Variants in SGCD observed in about 807,000 individuals in gnomAD.
The protein encoded by SGCD is delta-sarcoglycan.
Under a neutral mutation model 36.6 loss-of-function variants are expected in SGCD, and 18 were observed. The observed-to-expected ratio is 0.49, with a 90% CI of 0.34 to 0.73. The LOEUF is 0.73. Among genes scored for constraint, SGCD ranks in the 30% least tolerant of loss-of-function variants. The probability of loss-of-function intolerance (pLI) is 0.01; values close to 1 mark genes in which losing one functional copy is unlikely to be tolerated. For missense variants in SGCD, 387 were observed against 346.7 expected, an observed-to-expected ratio of 1.12 and a Z score of -0.92; for synonymous variants, 133 against 130.6, an observed-to-expected ratio of 1.02 and a Z score of -0.12.
chr5:156,464,818 G>C (rs966137556), intron 3 of SGCD, among the ~76,000 whole-genome samples: 1 of 152,126 alleles, frequency 6.6e-6, no homozygotes, highest in Non-Finnish European at 1.5e-5. Context: ...ATTTAGGAGT[G>C]GGTGGAGTGT....
At chr5:156,510,147 A>G (rs571099600) in intron 4 of SGCD, among the ~76,000 whole-genome samples, 1 of 152,364 alleles carries the variant, frequency 6.6e-6, no homozygotes, top group South Asian at 2.1e-4. Flanking sequence ...GGGAACAAGG[A>G]TGTTAAAACT....
chr5:156,023,999 G>A (rs78372343), intron 1 of SGCD, among the ~76,000 whole-genome samples: 287 of 152,272 alleles, frequency 1.9e-3, no homozygotes, highest in African/African-American at 6.4e-3. Context: ...TCACCAGATG[G>A]CTGCAGTTCT....
chr5:156,247,061 A>T (rs1262438840), intron 3 of SGCD, among the ~76,000 whole-genome samples: 2 of 152,240 alleles, frequency 1.3e-5, no homozygotes, highest in African/African-American at 4.8e-5. Flanking sequence ...GCAATTTTGA[A>T]AATAGGAAGT....
At chr5:156,111,778 T>C (rs1761792144) in intron 1 of SGCD, among the ~76,000 whole-genome samples, 1 of 143,018 alleles carries the variant, frequency 7.0e-6, no homozygotes, top group African/African-American at 2.8e-5. Context: ...GATAGAGGTG[T>C]ATTTTTTTTT....
intron 3 of SGCD, among the ~76,000 whole-genome samples, chr5:156,421,894 GAC>G (rs1773327603): frequency 6.6e-6 from 1 of 152,026 alleles, no homozygotes; most frequent in Admixed American, 6.6e-5. Flanking sequence ...AATGTGAAAT[GAC>G]AGTGTGTGCC....
intron 3 of SGCD, among the ~76,000 whole-genome samples, chr5:156,282,612 AT>A (rs1407453533): frequency 1.3e-5 from 2 of 152,196 alleles, no homozygotes. Context: ...CAGTTGTAAT[AT>A]GGTTGGATGC....
rs1304925964 is a variant in SGCD at position 156,595,064 on chromosome 5, G to A, written c.502+13G>A. The A allele has an allele frequency of 6.2e-7, 1 of 1,605,032 alleles. No homozygotes were observed. Among genetic ancestry groups the A allele is most frequent in the East Asian group, 2.2e-5 (1 of 44,750 alleles). On this transcript the variant is annotated intron_variant, in intron 6 of 8. Coordinates refer to ENST00000337851, the MANE Select transcript of SGCD (RefSeq NM_000337.6). ...TTACGAGTTTTAGGTAAGGAAACTT[G>A]AATCATTTAACTTGTTTGATGCTAC...
At chr5:156,649,877 A>T (rs746830523) in intron 7 of SGCD, among the ~76,000 whole-genome samples, 9 of 151,986 alleles carry the variant, frequency 5.9e-5, no homozygotes, top group African/African-American at 1.2e-4. Context: ...TTTTTTTTTT[A>T]AAAAGCAGGA....
intron 3 of SGCD, among the ~76,000 whole-genome samples, chr5:156,433,133 G>A (rs977166920): frequency 1.3e-5 from 2 of 152,152 alleles, no homozygotes; most frequent in African/African-American, 2.4e-5. Context: ...ATAAAGTTAG[G>A]TTAATTTTTA....
intron 3 of SGCD, among the ~76,000 whole-genome samples, chr5:156,285,656 C>G (rs577628844): frequency 2.3e-4 from 35 of 152,240 alleles, no homozygotes; most frequent in African/African-American, 7.9e-4. Context: ...TTCCTTACAC[C>G]TTACACAAAA....
intron 7 of SGCD, among the ~76,000 whole-genome samples, chr5:156,698,943 C>T (rs976707142): frequency 6.0e-5 from 9 of 149,962 alleles, no homozygotes; most frequent in African/African-American, 2.2e-4. Context: ...AAAAATTAAA[C>T]AAACCAAAGA....
chr5:156,156,113 G>A (rs2127616707), intron 3 of SGCD, among the ~76,000 whole-genome samples: 1 of 151,684 alleles, frequency 6.6e-6, no homozygotes, highest in Non-Finnish European at 1.5e-5. Flanking sequence ...CTTTCACCAA[G>A]TAAGAATCAT....
At chr5:156,350,618 G>A (rs1381786562) in intron 3 of SGCD, among the ~76,000 whole-genome samples, 6 of 151,980 alleles carry the variant, frequency 3.9e-5, no homozygotes, top group Non-Finnish European at 7.4e-5. Flanking sequence ...TCTGCTCTTA[G>A]CAGAATATTC....
chr5:156,246,124 A>AAAC (rs1359732869), intron 3 of SGCD, among the ~76,000 whole-genome samples: 1 of 152,162 alleles, frequency 6.6e-6, no homozygotes, highest in Non-Finnish European at 1.5e-5. Context: ...TATTGTCTGT[A>AAAC]AGAGTGAGGA....
rs865864836 is a variant in SGCD at position 156,128,397 on chromosome 5, C to T, written c.-44+4378C>T. On this transcript the variant is annotated intron_variant, in intron 3 of 9. Transcript: ENST00000517913. ...ATTCCACTCCTAGGTATTTATCAGA[C>T]AGGATTGAAAACATTTGTGCACACA... Among the ~76,000 whole-genome samples, 5 of 152,144 alleles carry T rather than the reference C, an allele frequency of 3.3e-5. No homozygotes were observed. The South Asian group carries it at 1.0e-3, about 31-fold the overall frequency.
chr5:155,842,823 A>C, the SGCD span, among the ~76,000 whole-genome samples: 2 of 152,244 alleles, frequency 1.3e-5, no homozygotes, highest in African/African-American at 4.8e-5. Context: ...TAAAAAAAGA[A>C]ATCTTCAAAA....
At chr5:155,799,247 T>G in the SGCD span, among the ~76,000 whole-genome samples, 90 of 152,314 alleles carry the variant, frequency 5.9e-4, no homozygotes, top group African/African-American at 2.0e-3. Context: ...GAAGCTCAAT[T>G]TTATTTGTTT....
intron 3 of SGCD, among the ~76,000 whole-genome samples, chr5:156,249,325 A>G (rs1445187076): frequency 6.6e-6 from 1 of 152,192 alleles, no homozygotes; most frequent in Non-Finnish European, 1.5e-5. Context: ...GAGAGTGTTC[A>G]ATTAGGGGAG....
intron 6 of SGCD, among the ~76,000 whole-genome samples, chr5:156,617,752 ATTTC>A (rs921600191): frequency 2.0e-5 from 3 of 152,112 alleles, no homozygotes; most frequent in Non-Finnish European, 4.4e-5. Context: ...CACCCAGCCC[ATTTC>A]TTTATCTGAA....
Sources: allele counts gnomAD v4.1 joint callset (sites outside exome capture counted in the v4.1 genomes callset), GRCh38; gene constraint gnomAD v4.1.1; transcripts MANE v1.5; gene names NCBI Gene and HGNC (gene_info 2026-07-23, HGNC 2026-07-21).